RPSA2: variants seen among roughly 807,000 people sequenced by gnomAD.
RPSA2 encodes small ribosomal subunit protein uS2B.
the RPSA2 span, among the ~76,000 whole-genome samples, chr19:23,821,027 T>C: frequency 1.4e-4 from 21 of 152,330 alleles, no homozygotes; most frequent in East Asian, 1.9e-4. Flanking sequence ...CTGGTTCTGA[T>C]TGAATTGGGA....
At chr19:23,845,623 C>G in the RPSA2 span, among the ~76,000 whole-genome samples, 3 of 152,310 alleles carry the variant, frequency 2.0e-5, no homozygotes, top group East Asian at 1.9e-4. Flanking sequence ...TCCTGAGTAG[C>G]TAGTATCATA....
chr19:23,843,249 G>T, the RPSA2 span: 1 of 242,796 alleles, frequency 4.1e-6, no homozygotes, highest in South Asian at 5.0e-5. Flanking sequence ...TATGTAAAGA[G>T]ACATGAGACA....
the RPSA2 span, chr19:23,832,518 T>A: frequency 1.6e-6 from 1 of 625,840 alleles, no homozygotes; most frequent in Non-Finnish European, 2.6e-6. Context: ...AACCTTACTA[T>A]ATATAAGATA....
At chr19:23,864,080 T>C in the RPSA2 span, among the ~76,000 whole-genome samples, 2 of 152,104 alleles carry the variant, frequency 1.3e-5, no homozygotes, top group African/African-American at 4.8e-5. Context: ...ACACACACTC[T>C]CTCATTCCAA....
chr19:23,809,498 A>G, the RPSA2 span: 1 of 151,802 alleles, frequency 6.6e-6, no homozygotes, highest in Non-Finnish European at 1.5e-5. Flanking sequence ...CAGTAGAAAT[A>G]AAATATTTTT....
chr19:23,828,156 TATAA>T, the RPSA2 span: 1 of 650,286 alleles, frequency 1.5e-6, no homozygotes, highest in Non-Finnish European at 2.7e-6. Flanking sequence ...ATTATGAGTC[TATAA>T]ATGACTACTT....
the RPSA2 span, among the ~76,000 whole-genome samples, chr19:23,800,027 C>CTTTTT: frequency 8.4e-4 from 93 of 110,814 alleles, no homozygotes; most frequent in East Asian, 1.3e-3. Context: ...TTTTCTTTTT[C>CTTTTT]TTTTTTTTTT....
At chr19:23,827,649 GCAA>G in the RPSA2 span, 3 of 1,596,688 alleles carry the variant, frequency 1.9e-6, no homozygotes, top group South Asian at 1.1e-5. Flanking sequence ...GCCATCCCAT[GCAA>G]CAACAAGGGA....
the RPSA2 span, among the ~76,000 whole-genome samples, chr19:23,793,411 TTATTG>T: frequency 2.7e-3 from 410 of 151,854 alleles, no homozygotes; most frequent in African/African-American, 9.6e-3. Context: ...TATTTGTATT[TTATTG>T]TATTGTATTT....
chr19:23,812,388 C>CTTTTTTTTTTT, the RPSA2 span, among the ~76,000 whole-genome samples: 97 of 114,152 alleles, frequency 8.5e-4, no homozygotes, highest in African/African-American at 1.9e-3. Flanking sequence ...CTCTTTTTCT[C>CTTTTTTTTTTT]TTTTTTTTTT....
chr19:23,862,638 G>GTGGTTTT, the RPSA2 span, among the ~76,000 whole-genome samples: 1 of 152,060 alleles, frequency 6.6e-6, no homozygotes. Flanking sequence ...AGATAATCAT[G>GTGGTTTT]TGGTTTTTGT....
At chr19:23,803,997 A>G in the RPSA2 span, among the ~76,000 whole-genome samples, 3 of 152,200 alleles carry the variant, frequency 2.0e-5, no homozygotes, top group Non-Finnish European at 2.9e-5. Context: ...TGAACACAGT[A>G]TAAACTCACA....
At chr19:23,805,121 GCA>G in the RPSA2 span, among the ~76,000 whole-genome samples, 1,241 of 149,532 alleles carry the variant, frequency 8.3e-3, 15 homozygotes, top group African/African-American at 0.029. Context: ...AAAATAAAAA[GCA>G]CACACACACA....
chr19:23,829,116 C>T, the RPSA2 span, among the ~76,000 whole-genome samples: 49 of 152,244 alleles, frequency 3.2e-4, 2 homozygotes, highest in South Asian at 9.7e-3. Flanking sequence ...TTGACTCTTT[C>T]TGCTCTTATT....
At chr19:23,837,779 T>C in the RPSA2 span, among the ~76,000 whole-genome samples, 3 of 152,338 alleles carry the variant, frequency 2.0e-5, no homozygotes, top group South Asian at 6.2e-4. Flanking sequence ...ATAGAAGAGC[T>C]ACTGATTTGT....
chr19:23,865,705 A>C, the RPSA2 span, among the ~76,000 whole-genome samples: 2 of 152,168 alleles, frequency 1.3e-5, no homozygotes, highest in African/African-American at 4.8e-5. Flanking sequence ...CCCACACAAC[A>C]AATTTTGCAT....
chr19:23,824,925 C>A, the RPSA2 span, among the ~76,000 whole-genome samples: 1 of 150,946 alleles, frequency 6.6e-6, no homozygotes, highest in African/African-American at 2.4e-5. Flanking sequence ...TCTAAGATTT[C>A]CTAAATCTAG....
At chr19:23,768,010 C>G in the RPSA2 span, among the ~76,000 whole-genome samples, 1 of 152,006 alleles carries the variant, frequency 6.6e-6, no homozygotes, top group South Asian at 2.1e-4. Flanking sequence ...TATGATCTGC[C>G]CACCTCAGCT....
the RPSA2 span, among the ~76,000 whole-genome samples, chr19:23,806,359 C>G: frequency 6.6e-6 from 1 of 151,964 alleles, no homozygotes; most frequent in Non-Finnish European, 1.5e-5. Context: ...CTCTAGATTT[C>G]TATGGGGAAA....
Sources: gnomAD v4.1 joint callset for allele counts (sites outside exome capture counted in the v4.1 genomes callset) on GRCh38, gnomAD v4.1.1 for gene constraint, MANE v1.5 for transcripts, NCBI Gene and HGNC (gene_info 2026-07-23, HGNC 2026-07-21) for gene names.